The following COL6A6 variants were observed in gnomAD, a reference collection of about 807,000 sequenced individuals.
The protein encoded by COL6A6 is collagen type VI alpha 6 chain.
Under a neutral mutation model 208.6 loss-of-function variants are expected in COL6A6, and 183 were observed. The ratio of observed to expected loss-of-function variants is 0.88; its 90% CI spans 0.78 to 0.99. The LOEUF is 0.99. COL6A6 is among the 50% of genes least tolerant of loss of function. The pLI is 0.00. For missense variants in COL6A6, 2,816 were observed against 2,815.2 expected, an observed-to-expected ratio of 1.00 and a Z score of -0.01; for synonymous variants, 973 against 1,011.8, an observed-to-expected ratio of 0.96 and a Z score of 0.73.
Position 130,635,762 on chromosome 3 carries a change from G to A in COL6A6, c.5091+1G>A, listed in dbSNP as rs2065094853. On this transcript the variant is annotated splice_donor_variant, in intron 28 of 36. Transcript: ENST00000358511. LOFTEE classifies it high-confidence loss of function. ...GCTGAAGGGAGCTAGAGGCAAAATG[G>A]TAAGCTTCTTAGATTCCAATTGCTG... The A allele has an allele frequency of 6.2e-7, 1 of 1,609,734 alleles. No individual in the cohort carries two copies.
Position 130,661,808 on chromosome 3 carries a change from C to T in COL6A6, c.6002C>T (p.Pro2001Leu), listed in dbSNP as rs766663359. Reference sequence around the variant, plus strand: ...GATCACTTTGAAATCACCCCAGAGCCGGAGACTTCTGTCACTGGAGACCGG... The same window carrying T: ...GATCACTTTGAAATCACCCCAGAGCTGGAGACTTCTGTCACTGGAGACCGG... ...LLDHFEITPE[P>L]ETSVTGDRVA... Residue 2001 changes from proline (P) to leucine (L), a missense_variant, in exon 35 of 37, where the codon CCG becomes CTG. By Grantham distance (98) the Pro-to-Leu change is moderately conservative. Transcript: ENST00000358511. 19 of 1,613,920 alleles carry T rather than the reference C, an allele frequency of 1.2e-5. No homozygotes were observed. In the East Asian group the frequency reaches 1.3e-4, roughly 11 times the overall value.
intron 17 of COL6A6, 57 bp downstream of exon 17, chr3:130,593,309 A>G (rs1576289939): frequency 7.4e-7 from 1 of 1,348,720 alleles, no homozygotes; most frequent in East Asian, 2.3e-5. Flanking sequence ...GGGTGTGATT[A>G]ACAGAGTAGA....
chr3:130,603,278 G>A (rs1016681007), intron 20 of COL6A6, among the ~76,000 whole-genome samples: 4 of 152,184 alleles, frequency 2.6e-5, no homozygotes, highest in East Asian at 1.9e-4. Flanking sequence ...CTAGGCCTCC[G>A]CCCATTAGCT....
intron 23 of COL6A6, among the ~76,000 whole-genome samples, chr3:130,620,229 A>G (rs2064670525): frequency 6.6e-6 from 1 of 152,132 alleles, no homozygotes; most frequent in Non-Finnish European, 1.5e-5. Flanking sequence ...GTCATTGTGT[A>G]GAAGTGATAT....
chr3:130,587,200 C>T (rs1351777862), intron 11 of COL6A6, among the ~76,000 whole-genome samples: 9 of 152,224 alleles, frequency 5.9e-5, no homozygotes, highest in Non-Finnish European at 1.3e-4. Context: ...GTAAACCTCA[C>T]ATGTTGTACT....
Position 130,581,829 on chromosome 3 carries a change from A to G in COL6A6, c.3816A>G (p.Gly1272=). The change falls in exon 9 of 37, where the codon GGA becomes GGG. Residue 1272 remains glycine, a synonymous_variant. Transcript: ENST00000358511. ...LNSLKDITVK[G]PSLLNANLLD... ...GCTTGAAGGATATAACAGTTAAAGG[A>G]CCATCTCTTCTCAATGCAAACCTCT... 3 of 1,613,516 alleles carry G rather than the reference A, an allele frequency of 1.9e-6. No individual in the cohort carries two copies. Among genetic ancestry groups the G allele is most frequent in the East Asian group, 2.2e-5 (1 of 44,892 alleles).
chr3:130,661,539 A>G (rs1448092162), intron 34 of COL6A6, 98 bp from the exon 35 acceptor site: 1 of 937,474 alleles, frequency 1.1e-6, no homozygotes, highest in Non-Finnish European at 1.6e-6. Context: ...CTATTTTAAC[A>G]TCAAAGACTA....
At chr3:130,626,694 A>G (rs997827454) in intron 25 of COL6A6, 147 bp downstream of exon 25, 1 of 605,682 alleles carries the variant, frequency 1.7e-6, no homozygotes, top group Non-Finnish European at 3.0e-6. Context: ...TATTGTCTTC[A>G]TCTTAGTTCC....
chr3:130,556,856 GC>G (rs925021972), intron 1 of COL6A6, among the ~76,000 whole-genome samples: 3 of 152,152 alleles, frequency 2.0e-5, no homozygotes, highest in Non-Finnish European at 2.9e-5. Flanking sequence ...GCTACTGCCA[GC>G]CCTTCCCACA....
At position 130,598,372 on chromosome 3, in the gene COL6A6, C is replaced by G; in HGVS notation, c.4541C>G (p.Pro1514Arg). ...TTTATTTTCTATTTTTAGGGAGCTC[C>G]TGGAGTTGACAGTAGCATAGAAGGA... ...AKGLRGDPGA[P>R]GVDSSIEGPT... The change falls in exon 19 of 37, where the codon CCT becomes CGT. Residue 1514 changes from proline (P) to arginine (R), a missense_variant. Coordinates refer to ENST00000358511, the MANE Select transcript of COL6A6 (RefSeq NM_001102608.3). 1 of 1,545,788 alleles carries G rather than the reference C, an allele frequency of 6.5e-7. No individual in the cohort carries two copies. Among genetic ancestry groups the G allele is most frequent in the Non-Finnish European group, 8.8e-7 (1 of 1,142,022 alleles).
rs1214695193 is a variant in COL6A6 at position 130,618,317 on chromosome 3, G to C, written c.4816-3504G>C. On this transcript the variant is annotated intron_variant, in intron 23 of 36. Transcript: ENST00000358511. ...AGAAACTGTTTTTGATCAGTAAATGGGGTTAATAACAGGCATCTCACTGTG... is the reference window on the plus strand; with the variant it reads ...AGAAACTGTTTTTGATCAGTAAATGCGGTTAATAACAGGCATCTCACTGTG... Among the ~76,000 whole-genome samples the C allele has an allele frequency of 3.3e-5, 5 of 152,206 alleles. No homozygotes were observed. In the South Asian group the frequency reaches 8.3e-4, roughly 25 times the overall value.
At chr3:130,526,686 G>T (rs536390805) in intron 1 of COL6A6, among the ~76,000 whole-genome samples, 1 of 152,290 alleles carries the variant, frequency 6.6e-6, no homozygotes, top group East Asian at 1.9e-4. Context: ...AAGACTTGCT[G>T]ATGGATTGGC....
At chr3:130,536,627 T>C (rs78302096) in intron 1 of COL6A6, among the ~76,000 whole-genome samples, 3,128 of 152,234 alleles carry the variant, frequency 0.021, 120 homozygotes, top group African/African-American at 0.072. Flanking sequence ...GAAACCAAAG[T>C]AGCAGAAACT....
At chr3:130,622,992 G>A (rs747059587) in intron 24 of COL6A6, among the ~76,000 whole-genome samples, 1 of 152,110 alleles carries the variant, frequency 6.6e-6, no homozygotes, top group Non-Finnish European at 1.5e-5. Flanking sequence ...TGAGAGAAGA[G>A]GAGGTATCTA....
At position 130,528,908 on chromosome 3, in the gene COL6A6, G is replaced by A. The variant is rs113420678; in HGVS notation, c.-32+11511G>A. Among the ~76,000 whole-genome samples, 1,238 of 152,280 alleles carry A rather than the reference G, an allele frequency of 8.1e-3. 9 individuals carry two copies. Among genetic ancestry groups the A allele is most frequent in the Middle Eastern group, 0.027 (8 of 294 alleles). ...AGATCGAAACCATCCTGGCTGACAC[G>A]TTGCATAACCCTCTCTCTCCTAAAA... is the stretch of plus-strand genomic sequence containing the variant. On this transcript the variant is annotated intron_variant, in intron 1 of 36. Transcript: ENST00000358511.
intron 33 of COL6A6, among the ~76,000 whole-genome samples, chr3:130,650,142 C>T (rs1053633259): frequency 5.9e-5 from 9 of 152,146 alleles, no homozygotes; most frequent in South Asian, 2.1e-4. Context: ...ATTAAGATGA[C>T]TGATGATAAC....
At position 130,628,778 on chromosome 3, in the gene COL6A6, TGAGCG is replaced by T. The variant is rs2064970367; in HGVS notation, c.4992+1410_4992+1414del. ...CAGCTCCGGTCTACAGCTCCCTGCG[TGAGCG>T]ACGCAGAAGACGGTGATTTCTGCAT... On this transcript the variant is annotated intron_variant, in intron 26 of 36. Transcript: ENST00000358511. Among the ~76,000 whole-genome samples, 6 of 65,524 alleles carry T rather than the reference TGAGCG, an allele frequency of 9.2e-5. No individual in the cohort carries two copies. In the South Asian group the frequency reaches 2.7e-3, roughly 29 times the overall value. The allele number at this position is 65,524 out of a possible 152,430, so 43.0% of individuals were successfully genotyped here.
intron 1 of COL6A6, among the ~76,000 whole-genome samples, chr3:130,520,506 G>C (rs563921108): frequency 6.6e-6 from 1 of 152,282 alleles, no homozygotes; most frequent in Non-Finnish European, 1.5e-5. Context: ...GATACCATTA[G>C]CTAATATAAG....
intron 1 of COL6A6, among the ~76,000 whole-genome samples, chr3:130,553,324 T>A (rs2062690435): frequency 6.6e-6 from 1 of 152,224 alleles, no homozygotes; most frequent in Admixed American, 6.5e-5. Context: ...TCCATATTTC[T>A]CTAGGGTTTT....
Sources: gnomAD v4.1 joint callset for allele counts (sites outside exome capture counted in the v4.1 genomes callset) on GRCh38, gnomAD v4.1.1 for gene constraint, MANE v1.5 for transcripts, NCBI Gene and HGNC (gene_info 2026-07-23, HGNC 2026-07-21) for gene names.